The following RALYL variants were observed in gnomAD, a reference collection of about 807,000 sequenced individuals.
RALYL encodes the protein RALY RNA binding protein like.
RALYL carries 29 observed loss-of-function variants against 35.1 expected under a neutral mutation model. The observed-to-expected ratio is 0.83, with a 90% CI of 0.61 to 1.13. The LOEUF is 1.13. RALYL is among the 50% of genes most tolerant of loss of function. The probability of loss-of-function intolerance (pLI) is 0.00; values close to 1 mark genes in which losing one functional copy is unlikely to be tolerated. For synonymous variants in RALYL, 120 were observed against 127.6 expected, an observed-to-expected ratio of 0.94 and a Z score of 0.40; for missense variants, 359 against 360.4, an observed-to-expected ratio of 1.00 and a Z score of 0.03.
At chr8:84,915,982 G>A (rs1265477307) in intron 8 of RALYL, among the ~76,000 whole-genome samples, 1 of 152,004 alleles carries the variant, frequency 6.6e-6, no homozygotes, top group Non-Finnish European at 1.5e-5. Context: ...AAGATAAAAA[G>A]GCTAGGAAAA....
chr8:84,382,244 A>C (rs1457050632), intron 1 of RALYL, among the ~76,000 whole-genome samples: 1 of 150,756 alleles, frequency 6.6e-6, no homozygotes, highest in Non-Finnish European at 1.5e-5. Flanking sequence ...AAAAAAAAAA[A>C]AACTGCAGTG....
intron 1 of RALYL, among the ~76,000 whole-genome samples, chr8:84,272,789 C>T (rs182059639): frequency 8.9e-4 from 136 of 152,270 alleles, no homozygotes; most frequent in African/African-American, 2.7e-3. Context: ...TAAGTTCAGA[C>T]TCACAACTAG....
chr8:84,851,931 C>G (rs7357452), intron 5 of RALYL, among the ~76,000 whole-genome samples: 1 of 152,110 alleles, frequency 6.6e-6, no homozygotes, highest in Non-Finnish European at 1.5e-5. Context: ...GTCTTCCTTC[C>G]CCCACCTGAA....
chr8:84,799,042 G>T (rs938902986), intron 3 of RALYL, among the ~76,000 whole-genome samples: 2 of 152,148 alleles, frequency 1.3e-5, no homozygotes, highest in African/African-American at 4.8e-5. Context: ...AGTTATATTG[G>T]ATTGTACTCT....
intron 1 of RALYL, among the ~76,000 whole-genome samples, chr8:84,419,650 C>G (rs536106269): frequency 6.7e-6 from 1 of 149,426 alleles, no homozygotes; most frequent in African/African-American, 2.5e-5. Flanking sequence ...CACCCACTAA[C>G]TCGTCATCTA....
At chr8:84,370,266 T>C (rs1855413976) in intron 1 of RALYL, among the ~76,000 whole-genome samples, 1 of 152,148 alleles carries the variant, frequency 6.6e-6, no homozygotes, top group African/African-American at 2.4e-5. Flanking sequence ...CTTACCTGAT[T>C]TAACTTAGTT....
chr8:84,389,115 C>T (rs1859971178), intron 1 of RALYL, among the ~76,000 whole-genome samples: 1 of 152,094 alleles, frequency 6.6e-6, no homozygotes, highest in African/African-American at 2.4e-5. Context: ...TTCCCCATTG[C>T]TTGTTTTTCT....
At chr8:84,521,110 G>A (rs574143239) in intron 1 of RALYL, among the ~76,000 whole-genome samples, 7 of 152,234 alleles carry the variant, frequency 4.6e-5, no homozygotes, top group African/African-American at 1.4e-4. Flanking sequence ...TTTGAAGGTG[G>A]GGCCTTTGGT....
chr8:84,213,460 C>T (rs1165060519), intron 1 of RALYL, among the ~76,000 whole-genome samples: 1 of 152,070 alleles, frequency 6.6e-6, no homozygotes, highest in Non-Finnish European at 1.5e-5. Context: ...TAGAAATTTT[C>T]TGCAAATAGT....
intron 4 of RALYL, among the ~76,000 whole-genome samples, chr8:84,812,769 C>A (rs973879541): frequency 2.0e-5 from 3 of 152,130 alleles, no homozygotes; most frequent in Admixed American, 6.5e-5. Context: ...ACCATGCCCC[C>A]GCTAACAGCC....
At chr8:84,464,538 CATT>C (rs1426551226) in intron 1 of RALYL, among the ~76,000 whole-genome samples, 4 of 149,636 alleles carry the variant, frequency 2.7e-5, no homozygotes, top group African/African-American at 9.8e-5. Context: ...TCCAGTCTAT[CATT>C]GTTGGACATT....
intron 2 of RALYL, among the ~76,000 whole-genome samples, chr8:84,724,315 T>G (rs529864753): frequency 6.6e-6 from 1 of 151,884 alleles, no homozygotes; most frequent in East Asian, 1.9e-4. Context: ...TGTCTCTCTT[T>G]CAGTAACAGT....
intron 7 of RALYL, among the ~76,000 whole-genome samples, chr8:84,875,874 C>A (rs758617959): frequency 3.3e-5 from 5 of 152,048 alleles, no homozygotes; most frequent in Non-Finnish European, 5.9e-5. Context: ...CATTATTACT[C>A]TTTCATAAAT....
At chr8:84,569,501 C>A (rs1315708884) in intron 2 of RALYL, among the ~76,000 whole-genome samples, 1 of 151,614 alleles carries the variant, frequency 6.6e-6, no homozygotes, top group African/African-American at 2.4e-5. Flanking sequence ...TTGTTGGAGG[C>A]ATAATTTGCA....
intron 1 of RALYL, among the ~76,000 whole-genome samples, chr8:84,478,354 T>TA (rs1469184868): frequency 6.6e-6 from 1 of 152,068 alleles, no homozygotes; most frequent in Admixed American, 6.6e-5. Flanking sequence ...ATGAATAAAT[T>TA]AAAAATTACA....
chr8:84,720,610 A>G (rs1843716541), intron 2 of RALYL, among the ~76,000 whole-genome samples: 1 of 152,216 alleles, frequency 6.6e-6, no homozygotes, highest in South Asian at 2.1e-4. Flanking sequence ...ACTCAAAAGC[A>G]TAGGCATCGA....
intron 1 of RALYL, among the ~76,000 whole-genome samples, chr8:84,519,300 T>C (rs898315321): frequency 3.9e-5 from 6 of 152,198 alleles, no homozygotes; most frequent in African/African-American, 1.4e-4. Flanking sequence ...ATGATAACAG[T>C]TTCTGGGCAT....
chr8:84,438,158 C>T (rs185041322), intron 1 of RALYL, among the ~76,000 whole-genome samples: 2 of 152,142 alleles, frequency 1.3e-5, no homozygotes, highest in East Asian at 3.9e-4. Context: ...GATGTTAGAC[C>T]TTTGTCGGAT....
chr8:84,611,733 T>G (rs372411971), intron 2 of RALYL, among the ~76,000 whole-genome samples: 1 of 152,128 alleles, frequency 6.6e-6, no homozygotes, highest in Non-Finnish European at 1.5e-5. Flanking sequence ...ACACATTACA[T>G]GTCTGTTTTT....
Sources: gnomAD v4.1 joint callset for allele counts (sites outside exome capture counted in the v4.1 genomes callset) on GRCh38, gnomAD v4.1.1 for gene constraint, MANE v1.5 for transcripts, NCBI Gene and HGNC (gene_info 2026-07-23, HGNC 2026-07-21) for gene names.